RBFOX1: variants seen among roughly 807,000 people sequenced by gnomAD.
RBFOX1 encodes RNA binding fox-1 homolog 1.
RBFOX1 carries 8 observed loss-of-function variants against 57.7 expected under a neutral mutation model. The observed-to-expected ratio is 0.14, with a 90% CI of 0.08 to 0.25. RBFOX1 has a LOEUF of 0.25. Ranked by LOEUF, RBFOX1 falls within the 10% of genes least tolerant of loss-of-function variation. The pLI is 1.00. For missense variants in RBFOX1, 611 were observed against 548.5 expected (o/e 1.11, Z -1.14); for synonymous variants, 326 against 222.4 (o/e 1.47, Z -4.15).
chr16:7,299,837 A>G lies in RBFOX1; in HGVS notation c.28-218310A>G, dbSNP rs193139735. 1.4e-3 allele frequency among the ~76,000 whole-genome samples: 218 copies of G among 152,348 alleles called. 2 individuals are homozygous for G. Among genetic ancestry groups the G allele is most frequent in the Middle Eastern group, 3.4e-3 (1 of 294 alleles). ...ATGTAGACATGCTCCTCAGTTTACA[A>G]TGGGGTTATGTCCTAATAAACCCAT... is the stretch of plus-strand genomic sequence containing the variant. On this transcript the variant is annotated intron_variant, in intron 4 of 15. Transcript: ENST00000550418.
chr16:7,439,407 G>C (rs1345306026), intron 4 of RBFOX1, among the ~76,000 whole-genome samples: 3 of 151,634 alleles, frequency 2.0e-5, no homozygotes, highest in African/African-American at 4.8e-5. Flanking sequence ...TTTCTGGGTG[G>C]AGGAAAAGGC....
At chr16:6,458,612 T>A (rs2795573) in intron 2 of RBFOX1, among the ~76,000 whole-genome samples, 119,016 of 152,164 alleles carry the variant, frequency 0.78, 46,846 homozygotes, top group Middle Eastern at 0.87. Flanking sequence ...CCAGTATCGT[T>A]TCCTAAGTTG....
chr16:6,573,791 A>G (rs965182186), intron 2 of RBFOX1: 1 of 152,132 alleles, frequency 6.6e-6, no homozygotes, highest in Admixed American at 6.5e-5. Flanking sequence ...GCTGCCGTTC[A>G]CAGCAGGCTC....
At chr16:6,101,994 C>G (rs1319254565) in intron 1 of RBFOX1, among the ~76,000 whole-genome samples, 2 of 152,126 alleles carry the variant, frequency 1.3e-5, no homozygotes, top group Admixed American at 6.5e-5. Flanking sequence ...GATCACATTT[C>G]TTGAGAGTTT....
chr16:7,684,046 A>G (rs1252058425), intron 14 of RBFOX1, among the ~76,000 whole-genome samples: 4 of 152,128 alleles, frequency 2.6e-5, no homozygotes, highest in Admixed American at 6.5e-5. Context: ...ATTTTTCAGT[A>G]AAAGTGTCTA....
At chr16:6,191,480 T>G (rs2097141480) in intron 1 of RBFOX1, among the ~76,000 whole-genome samples, 1 of 152,086 alleles carries the variant, frequency 6.6e-6, no homozygotes, top group Non-Finnish European at 1.5e-5. Flanking sequence ...TCATGATAAG[T>G]GATGTTTACC....
Position 6,660,114 on chromosome 16 carries a change from A to G in RBFOX1, c.-16+5464A>G, listed in dbSNP as rs188583785. ...GTGGCACACGCCTGTAGTCACAGCT[A>G]CTTGGGAAGCTGAGGTGGAGAATTG... On this transcript the variant is annotated intron_variant, in intron 3 of 15. Coordinates refer to ENST00000550418, the MANE Select transcript of RBFOX1 (RefSeq NM_018723.4). Among the ~76,000 whole-genome samples, 133 of 151,940 alleles carry G rather than the reference A, an allele frequency of 8.8e-4. 1 individual carries two copies. Among genetic ancestry groups the G allele is most frequent in the Admixed American group, 8.6e-3 (131 of 15,236 alleles).
intron 3 of RBFOX1, among the ~76,000 whole-genome samples, chr16:6,719,350 C>G (rs1352224497): frequency 6.6e-6 from 1 of 151,990 alleles, no homozygotes; most frequent in Non-Finnish European, 1.5e-5. Context: ...CAGAAAAGAC[C>G]CCAGTGTTAA....
At chr16:5,593,324 C>T (rs1567271592) in intron 2 of RBFOX1, among the ~76,000 whole-genome samples, 1 of 148,796 alleles carries the variant, frequency 6.7e-6, no homozygotes, top group Non-Finnish European at 1.5e-5. Flanking sequence ...GGGAACATCA[C>T]ATACCGGGGC....
At chr16:7,474,758 C>G (rs1487675900) in intron 4 of RBFOX1, among the ~76,000 whole-genome samples, 4 of 152,158 alleles carry the variant, frequency 2.6e-5, no homozygotes, top group East Asian at 1.9e-4. Context: ...AACTGGACTT[C>G]TAGAATGTCT....
intron 4 of RBFOX1, among the ~76,000 whole-genome samples, chr16:7,252,492 A>G (rs2094530912): frequency 6.6e-6 from 1 of 152,118 alleles, no homozygotes; most frequent in Non-Finnish European, 1.5e-5. Context: ...GTATCTGGAA[A>G]TTTTGCACAG....
chr16:7,186,325 CAT>C lies in RBFOX1; in HGVS notation c.27+134229_27+134230del, dbSNP rs1235045916. On this transcript the variant is annotated intron_variant, in intron 4 of 15. Coordinates refer to ENST00000550418, the MANE Select transcript of RBFOX1 (RefSeq NM_018723.4). ...ATAAACATATTTATATAAATATAAA[CAT>C]AAACATATTTATATAAATATAAACA... 5.6e-4 allele frequency among the ~76,000 whole-genome samples: 36 copies of C among 64,028 alleles called. 1 individual carries two copies. The highest frequency in any genetic ancestry group is 7.1e-4 in the Non-Finnish European group (27 of 38,168). The allele number at this position is 64,028 out of a possible 152,430, so 42.0% of individuals were successfully genotyped here.
At chr16:7,682,596 G>A (rs962325458) in intron 14 of RBFOX1, among the ~76,000 whole-genome samples, 2 of 148,956 alleles carry the variant, frequency 1.3e-5, no homozygotes, top group African/African-American at 2.5e-5. Context: ...GAACTCTCTT[G>A]GGTTCTATAA....
chr16:7,461,266 C>G (rs1209506031), intron 4 of RBFOX1, among the ~76,000 whole-genome samples: 1 of 151,898 alleles, frequency 6.6e-6, no homozygotes, highest in African/African-American at 2.4e-5. Context: ...CTCCCAGGTT[C>G]AAGCGATTCT....
chr16:5,852,381 T>C (rs1446476818), intron 3 of RBFOX1, among the ~76,000 whole-genome samples: 3 of 151,986 alleles, frequency 2.0e-5, no homozygotes, highest in East Asian at 3.9e-4. Flanking sequence ...AGCAAAGATG[T>C]GGTTTAGTTG....
chr16:6,042,736 A>G (rs1470614404), intron 1 of RBFOX1, among the ~76,000 whole-genome samples: 1 of 152,198 alleles, frequency 6.6e-6, no homozygotes, highest in African/African-American at 2.4e-5. Flanking sequence ...TTAGGGAGAC[A>G]GAAGTTATAG....
At chr16:6,408,032 T>A (rs2093345329) in intron 2 of RBFOX1, among the ~76,000 whole-genome samples, 2 of 152,208 alleles carry the variant, frequency 1.3e-5, no homozygotes, top group South Asian at 4.1e-4. Context: ...CAGAGGAAGC[T>A]TGTTTACCCC....
chr16:6,098,862 C>G lies in RBFOX1; in HGVS notation c.-127+78870C>G, dbSNP rs184561543. ...TTTCCAGGAGCACTAAGTGTCCAAC[C>G]CTGATTGGCTGGTAAATAATTGGGA... On this transcript the variant is annotated intron_variant, in intron 1 of 15. Coordinates refer to ENST00000550418, the MANE Select transcript of RBFOX1 (RefSeq NM_018723.4). Among the ~76,000 whole-genome samples, 53 of 152,266 alleles carry G rather than the reference C, an allele frequency of 3.5e-4. 1 individual carries two copies. The highest frequency in any genetic ancestry group is 1.2e-3 in the African/African-American group (50 of 41,564).
chr16:6,791,546 G>A lies in RBFOX1; in HGVS notation c.-16+136896G>A, dbSNP rs139040008. 3.2e-3 allele frequency among the ~76,000 whole-genome samples: 482 copies of A among 152,240 alleles called. 2 individuals are homozygous for A. The highest frequency in any genetic ancestry group is 0.011 in the African/African-American group (475 of 41,562). On this transcript the variant is annotated intron_variant, in intron 3 of 15. Coordinates refer to ENST00000550418, the MANE Select transcript of RBFOX1 (RefSeq NM_018723.4). ...GGCCGAGGTGGGTGGATCTCTTGAG[G>A]TCAGGAGTTCGAAACCAACCTGGCC... is the stretch of plus-strand genomic sequence containing the variant.
Sources: allele counts gnomAD v4.1 joint callset (sites outside exome capture counted in the v4.1 genomes callset), GRCh38; gene constraint gnomAD v4.1.1; transcripts MANE v1.5; gene names NCBI Gene and HGNC (gene_info 2026-07-23, HGNC 2026-07-21).